DCAF6: variants seen among roughly 807,000 people sequenced by gnomAD.
DCAF6 encodes the protein DDB1 and CUL4 associated factor 6.
DCAF6 carries 54 observed loss-of-function variants against 125.1 expected under a neutral mutation model. The observed-to-expected ratio is 0.43, with a 90% CI of 0.35 to 0.54. The LOEUF (loss-of-function observed/expected upper bound fraction) is 0.54, where lower values mean the gene tolerates loss of function less well. DCAF6 is among the 20% of genes least tolerant of loss of function. The pLI, the probability that DCAF6 is intolerant of heterozygous loss-of-function variation, is 0.01. For missense variants in DCAF6, 934 were observed against 1,161.7 expected, an observed-to-expected ratio of 0.80 and a Z score of 2.85; for synonymous variants, 371 against 390.4, an observed-to-expected ratio of 0.95 and a Z score of 0.58.
At chr1:168,012,679 C>A (rs1281005693) in intron 10 of DCAF6, among the ~76,000 whole-genome samples, 1 of 152,148 alleles carries the variant, frequency 6.6e-6, no homozygotes, top group Non-Finnish European at 1.5e-5. Flanking sequence ...TCAATACTTG[C>A]TTTTCCTAGT....
intron 19 of DCAF6, among the ~76,000 whole-genome samples, chr1:168,066,144 T>A (rs551243121): frequency 6.6e-6 from 1 of 152,288 alleles, no homozygotes; most frequent in Non-Finnish European, 1.5e-5. Flanking sequence ...AAAAGAACAA[T>A]GAATAAGTGA....
Position 167,993,976 on chromosome 1 carries a change from AAT to A in DCAF6, c.903+538_903+539del, listed in dbSNP as rs1334522784. ...AATTAGCAATTAGTTACTAATTACT[AAT>A]AGTTACTAATTACTAATTATAGTTA... On this transcript the variant is annotated intron_variant, in intron 7 of 21. Coordinates refer to ENST00000367840, the MANE Select transcript of DCAF6 (RefSeq NM_001198956.2). Among the ~76,000 whole-genome samples the A allele has an allele frequency of 1.3e-5, 2 of 152,128 alleles. 1 individual carries two copies. Among genetic ancestry groups the A allele is most frequent in the Non-Finnish European group, 2.9e-5 (2 of 68,002 alleles).
intron 17 of DCAF6, among the ~76,000 whole-genome samples, chr1:168,062,913 C>CTTT (rs372896984): frequency 7.3e-6 from 1 of 136,998 alleles, no homozygotes; most frequent in African/African-American, 2.7e-5. Flanking sequence ...TATTAATATT[C>CTTT]TTTTTTTTTT....
chr1:168,075,475 G>A lies in DCAF6; in HGVS notation c.*40G>A. The stretch of plus-strand genomic sequence containing the variant: ...CAAGCACTTAAATGTTCTGAAATTT[G>A]TATAAGACATTTATTATATTTTTTT... On this transcript the variant is annotated 3_prime_UTR_variant, in exon 22 of 22. Transcript: ENST00000367840. 1 of 1,507,388 alleles carries A rather than the reference G, an allele frequency of 6.6e-7. No homozygotes were observed. The highest frequency in any genetic ancestry group is 8.9e-7 in the Non-Finnish European group (1 of 1,119,664). 93.4% of individuals were successfully genotyped at this position (1,507,388 alleles called of 1,614,324 possible). A position where few individuals can be genotyped will look rare whatever the true frequency, so the allele number is the denominator to read the frequency against.
chr1:167,900,674 A>G, the DCAF6 span, among the ~76,000 whole-genome samples: 12 of 152,116 alleles, frequency 7.9e-5, no homozygotes, highest in Admixed American at 3.3e-4. Context: ...CTGAGATTAC[A>G]GGCACCCGCC....
chr1:168,038,607 C>A, intron 13 of DCAF6, 119 bp downstream of exon 13: 1 of 632,442 alleles, frequency 1.6e-6, no homozygotes, highest in Non-Finnish European at 2.6e-6. Flanking sequence ...GGTTTTCAAA[C>A]TTGAGTGTGC....
intron 21 of DCAF6, among the ~76,000 whole-genome samples, chr1:168,071,466 A>G (rs1218934233): frequency 1.3e-5 from 2 of 151,358 alleles, no homozygotes; most frequent in Non-Finnish European, 2.9e-5. Context: ...AAAAAATTAT[A>G]AATACAAAAA....
At chr1:167,950,401 A>T (rs999168574) in intron 1 of DCAF6, among the ~76,000 whole-genome samples, 2 of 152,336 alleles carry the variant, frequency 1.3e-5, no homozygotes, top group East Asian at 3.9e-4. Flanking sequence ...TCATGAAAAC[A>T]TGTTACTGAA....
chr1:167,984,955 G>GAAGGTGA (rs1679734416), intron 4 of DCAF6, among the ~76,000 whole-genome samples: 3 of 152,292 alleles, frequency 2.0e-5, no homozygotes, highest in Admixed American at 6.5e-5. Flanking sequence ...AATCATGGTG[G>GAAGGTGA]AAGGTGAAAG....
chr1:167,952,043 T>G (rs1391447905), intron 2 of DCAF6, among the ~76,000 whole-genome samples, 182 bp downstream of exon 2: 1 of 152,212 alleles, frequency 6.6e-6, no homozygotes, highest in Non-Finnish European at 1.5e-5. Flanking sequence ...TTTTTTAAAG[T>G]GCAGATGAGT....
the DCAF6 span, among the ~76,000 whole-genome samples, chr1:167,921,938 T>TTA: frequency 6.6e-6 from 1 of 152,192 alleles, no homozygotes; most frequent in Non-Finnish European, 1.5e-5. Flanking sequence ...ACTTTGACCT[T>TTA]TATGATTAGT....
At chr1:168,012,803 C>T (rs537624791) in intron 10 of DCAF6, among the ~76,000 whole-genome samples, 62 of 152,166 alleles carry the variant, frequency 4.1e-4, no homozygotes, top group Middle Eastern at 3.4e-3. Flanking sequence ...TAAAAAGCAC[C>T]GGAAATATTG....
At chr1:167,918,967 A>G in the DCAF6 span, among the ~76,000 whole-genome samples, 1 of 152,150 alleles carries the variant, frequency 6.6e-6, no homozygotes, top group South Asian at 2.1e-4. Context: ...AAATATTCTC[A>G]TTCTGGAATT....
chr1:168,049,431 G>GTTTTTTTTTTTTTT, intron 16 of DCAF6, among the ~76,000 whole-genome samples: 1 of 101,214 alleles, frequency 9.9e-6, no homozygotes, highest in Non-Finnish European at 1.9e-5. Flanking sequence ...TGTTGTTGTT[G>GTTTTTTTTTTTTTT]TTTTTTTTTT....
At chr1:167,956,085 A>G (rs1339241853) in intron 2 of DCAF6, among the ~76,000 whole-genome samples, 1 of 152,056 alleles carries the variant, frequency 6.6e-6, no homozygotes, top group Admixed American at 6.6e-5. Context: ...GTCTCTTTCT[A>G]TTTAGTATGA....
At chr1:168,032,348 T>C (rs879073986) in intron 12 of DCAF6, among the ~76,000 whole-genome samples, 2 of 152,230 alleles carry the variant, frequency 1.3e-5, no homozygotes, top group Admixed American at 1.3e-4. Flanking sequence ...AGAAGCAGCA[T>C]CTCCACTTTG....
intron 10 of DCAF6, among the ~76,000 whole-genome samples, chr1:168,011,675 T>G (rs1277625957): frequency 6.6e-6 from 1 of 152,150 alleles, no homozygotes; most frequent in South Asian, 2.1e-4. Flanking sequence ...AGGCCATTTA[T>G]AGGTTAGAAA....
At chr1:167,964,783 ATCC>A (rs1676144127) in intron 2 of DCAF6, among the ~76,000 whole-genome samples, 1 of 152,080 alleles carries the variant, frequency 6.6e-6, no homozygotes, top group Non-Finnish European at 1.5e-5. Context: ...TTATTGATAT[ATCC>A]TCAAGGTCAG....
intron 16 of DCAF6, among the ~76,000 whole-genome samples, 170 bp from the exon 17 acceptor site, chr1:168,050,722 A>G (rs1689802979): frequency 6.6e-6 from 1 of 152,178 alleles, no homozygotes; most frequent in Non-Finnish European, 1.5e-5. Context: ...CTTCATATAC[A>G]TTTAGTTGAC....
Sources: allele counts gnomAD v4.1 joint callset (sites outside exome capture counted in the v4.1 genomes callset), GRCh38; gene constraint gnomAD v4.1.1; transcripts MANE v1.5; gene names NCBI Gene and HGNC (gene_info 2026-07-23, HGNC 2026-07-21).